GPM6A: variants seen among roughly 807,000 people sequenced by gnomAD.
GPM6A encodes neuronal membrane glycoprotein M6-a.
A neutral mutation model predicts 32.1 loss-of-function variants in GPM6A; 7 were observed. That is an observed-to-expected ratio of 0.22 (90% CI 0.12 to 0.41). The LOEUF is 0.41. GPM6A is among the 10% of genes least tolerant of loss of function. The probability of loss-of-function intolerance (pLI) is 1.00; values close to 1 mark genes in which losing one functional copy is unlikely to be tolerated. For missense variants in GPM6A, 235 were observed against 347.2 expected (o/e 0.68, Z 2.57); for synonymous variants, 130 against 123.4 (o/e 1.05, Z -0.35).
chr4:175,905,549 A>C (rs1738103356), intron 1 of GPM6A, among the ~76,000 whole-genome samples: 1 of 152,078 alleles, frequency 6.6e-6, no homozygotes, highest in Admixed American at 6.6e-5. Flanking sequence ...GCACAAGAGA[A>C]GGGAGAAGGT....
intron 1 of GPM6A, chr4:175,806,086 C>T (rs1230988152): frequency 6.6e-6 from 1 of 152,140 alleles, no homozygotes; most frequent in Non-Finnish European, 1.5e-5. Flanking sequence ...GAAAGTAAGC[C>T]AGGCAGTCTG....
At position 175,672,904 on chromosome 4, in the gene GPM6A, C is replaced by A. The variant is rs368786753; in HGVS notation, c.387+776G>T. ...TAAAAAAGGTTTGCTGGTAAACAGG[C>A]ATTTTTGAACATTTCTGTGAGATTG... On this transcript the variant is annotated intron_variant, in intron 3 of 6. Coordinates refer to ENST00000393658, the MANE Select transcript of GPM6A (RefSeq NM_201591.3). Among the ~76,000 whole-genome samples, 391 of 152,164 alleles carry A rather than the reference C, an allele frequency of 2.6e-3. 5 individuals carry two copies. Among genetic ancestry groups the A allele is most frequent in the African/African-American group, 9.1e-3 (377 of 41,528 alleles).
At chr4:175,772,896 A>G (rs1733247610) in intron 1 of GPM6A, among the ~76,000 whole-genome samples, 1 of 152,208 alleles carries the variant, frequency 6.6e-6, no homozygotes, top group Non-Finnish European at 1.5e-5. Context: ...ATAAAGTAAC[A>G]TGCTTAAAAC....
intron 1 of GPM6A, among the ~76,000 whole-genome samples, chr4:175,943,353 A>G (rs1435325320): frequency 6.6e-6 from 1 of 152,144 alleles, no homozygotes; most frequent in Non-Finnish European, 1.5e-5. Context: ...CTCTATTCCT[A>G]TTTGAATACC....
chr4:175,835,491 A>G (rs925514692), intron 1 of GPM6A, among the ~76,000 whole-genome samples: 3 of 151,898 alleles, frequency 2.0e-5, no homozygotes, highest in African/African-American at 7.2e-5. Flanking sequence ...ATACAAAAAT[A>G]TATTTAAAAT....
chr4:175,943,162 T>C (rs1431414865), intron 1 of GPM6A, among the ~76,000 whole-genome samples: 2 of 152,240 alleles, frequency 1.3e-5, no homozygotes, highest in African/African-American at 2.4e-5. Context: ...GGGAGCTCAC[T>C]CATGATTTGG....
intron 6 of GPM6A, 65 bp from the exon 7 acceptor site, chr4:175,635,122 C>T (rs1740505548): frequency 8.0e-7 from 1 of 1,248,288 alleles, no homozygotes; most frequent in African/African-American, 1.5e-5. Flanking sequence ...ACCTTGCTAT[C>T]TCGAAAGAAG....
intron 1 of GPM6A, among the ~76,000 whole-genome samples, chr4:175,761,681 G>A (rs1298699419): frequency 6.6e-6 from 1 of 151,942 alleles, no homozygotes; most frequent in African/African-American, 2.4e-5. Flanking sequence ...CCTGAGTAAT[G>A]TCTCTCCATT....
chr4:175,965,618 T>C (rs1353775486), intron 1 of GPM6A, among the ~76,000 whole-genome samples: 392 of 151,116 alleles, frequency 2.6e-3, no homozygotes, highest in African/African-American at 8.9e-3. Context: ...TTCTCTCTTT[T>C]TTTTTTTTTT....
At chr4:175,921,116 C>T (rs955211720) in intron 1 of GPM6A, among the ~76,000 whole-genome samples, 3 of 152,062 alleles carry the variant, frequency 2.0e-5, no homozygotes, top group African/African-American at 7.2e-5. Flanking sequence ...CTTGGAATTT[C>T]ACACTGAAAT....
chr4:175,851,415 G>A (rs1178059316), intron 1 of GPM6A, among the ~76,000 whole-genome samples: 6 of 151,610 alleles, frequency 4.0e-5, no homozygotes, highest in Non-Finnish European at 8.8e-5. Flanking sequence ...AACTCAGGAG[G>A]CAGAGGTTGC....
At chr4:175,696,616 A>G (rs564067351) in intron 2 of GPM6A, among the ~76,000 whole-genome samples, 12 of 152,330 alleles carry the variant, frequency 7.9e-5, no homozygotes, top group Admixed American at 7.8e-4. Flanking sequence ...AATAATCAAT[A>G]ATCATACATC....
intron 1 of GPM6A, among the ~76,000 whole-genome samples, chr4:175,991,303 T>C (rs1741134561): frequency 6.6e-6 from 1 of 151,152 alleles, no homozygotes; most frequent in South Asian, 2.1e-4. Context: ...CTCGAACTCC[T>C]GACCTCAAGT....
chr4:175,926,175 C>A (rs1196474743), intron 1 of GPM6A, among the ~76,000 whole-genome samples: 1 of 152,044 alleles, frequency 6.6e-6, no homozygotes, highest in East Asian at 1.9e-4. Context: ...ATTTTAAATT[C>A]AAACACATTT....
intron 1 of GPM6A, among the ~76,000 whole-genome samples, chr4:175,994,434 C>T (rs1238724967): frequency 6.6e-6 from 1 of 152,084 alleles, no homozygotes; most frequent in Non-Finnish European, 1.5e-5. Context: ...CACAATAAAG[C>T]AAGTCACATG....
intron 1 of GPM6A, among the ~76,000 whole-genome samples, chr4:175,959,292 C>T (rs763016453): frequency 1.3e-5 from 2 of 152,098 alleles, no homozygotes; most frequent in Admixed American, 6.6e-5. Context: ...CACAGCTTAA[C>T]GTTATACACA....
At chr4:175,834,644 TA>T (rs139627448) in intron 1 of GPM6A, among the ~76,000 whole-genome samples, 4 of 148,612 alleles carry the variant, frequency 2.7e-5, no homozygotes, top group Admixed American at 6.7e-5. Context: ...ACCAAGAATT[TA>T]AAAAAAAAAC....
intron 1 of GPM6A, among the ~76,000 whole-genome samples, chr4:175,890,714 C>T (rs2111475339): frequency 6.6e-6 from 1 of 152,026 alleles, no homozygotes; most frequent in African/African-American, 2.4e-5. Context: ...CAATCAAACC[C>T]AGCTAATCTT....
At chr4:175,683,538 C>A (rs1743802649) in intron 2 of GPM6A, among the ~76,000 whole-genome samples, 1 of 151,988 alleles carries the variant, frequency 6.6e-6, no homozygotes, top group Non-Finnish European at 1.5e-5. Flanking sequence ...CTGCTTAAAT[C>A]TCATGTTGAA....
Sources: gnomAD v4.1 joint callset for allele counts (sites outside exome capture counted in the v4.1 genomes callset) on GRCh38, gnomAD v4.1.1 for gene constraint, MANE v1.5 for transcripts, NCBI Gene and HGNC (gene_info 2026-07-23, HGNC 2026-07-21) for gene names.